The following TFEC variants were observed in gnomAD, a reference collection of about 807,000 sequenced individuals.
TFEC encodes the protein transcription factor EC.
Under a neutral mutation model 41.6 loss-of-function variants are expected in TFEC, and 31 were observed. That is an observed-to-expected ratio of 0.74 (90% CI 0.56 to 1.01). The LOEUF is 1.01. Ranked by LOEUF, TFEC falls within the 50% of genes least tolerant of loss-of-function variation. The probability of loss-of-function intolerance (pLI) is 0.00; values close to 1 mark genes in which losing one functional copy is unlikely to be tolerated. For missense variants in TFEC, 402 were observed against 404.1 expected (o/e 0.99, Z 0.04); for synonymous variants, 143 against 140.6 (o/e 1.02, Z -0.12).
At chr7:116,101,700 A>AG (rs926310098) in intron 3 of TFEC, among the ~76,000 whole-genome samples, 1 of 150,300 alleles carries the variant, frequency 6.7e-6, no homozygotes, top group Non-Finnish European at 1.5e-5. Flanking sequence ...GAGTTGGGGC[A>AG]GGGGGGCAAC....
intron 1 of TFEC, among the ~76,000 whole-genome samples, chr7:116,158,968 C>T (rs1798922770): frequency 6.6e-6 from 1 of 151,880 alleles, no homozygotes; most frequent in African/African-American, 2.4e-5. Context: ...TATAATTTGT[C>T]ATGCTTAAGC....
chr7:116,102,141 T>C (rs987259864), intron 3 of TFEC, among the ~76,000 whole-genome samples: 5 of 152,212 alleles, frequency 3.3e-5, no homozygotes, highest in African/African-American at 9.6e-5. Context: ...TTTTTCTATC[T>C]GGCTTCTAAC....
intron 3 of TFEC, among the ~76,000 whole-genome samples, chr7:116,106,930 T>C (rs955657813): frequency 6.6e-6 from 1 of 152,212 alleles, no homozygotes; most frequent in Non-Finnish European, 1.5e-5. Context: ...AGGCTGATCC[T>C]GTTCCCCATC....
intron 1 of TFEC, among the ~76,000 whole-genome samples, chr7:116,132,957 A>T (rs1295191787): frequency 6.6e-6 from 1 of 152,184 alleles, no homozygotes; most frequent in Admixed American, 6.5e-5. Context: ...TCTTTTCAAT[A>T]CATTGTCAAC....
intron 6 of TFEC, among the ~76,000 whole-genome samples, chr7:115,948,614 A>T (rs912241045): frequency 1.3e-4 from 20 of 152,022 alleles, no homozygotes; most frequent in African/African-American, 2.7e-4. Flanking sequence ...ATTATCTCAA[A>T]AGATGCAGAA....
chr7:116,093,310 TA>T (rs1365204659), intron 3 of TFEC, among the ~76,000 whole-genome samples: 1 of 152,146 alleles, frequency 6.6e-6, no homozygotes, highest in South Asian at 2.1e-4. Context: ...CCCTTTATTT[TA>T]AAAACGAGAA....
intron 1 of TFEC, among the ~76,000 whole-genome samples, chr7:115,987,887 A>C (rs920661775): frequency 6.6e-6 from 1 of 152,156 alleles, no homozygotes; most frequent in Admixed American, 6.6e-5. Context: ...TCAGGATATC[A>C]AAGTATTTGC....
chr7:116,111,583 T>C (rs1456561077), intron 2 of TFEC, among the ~76,000 whole-genome samples: 2 of 152,050 alleles, frequency 1.3e-5, no homozygotes, highest in South Asian at 2.1e-4. Flanking sequence ...GCTTGAGCTA[T>C]GGCAGACTGA....
chr7:116,018,574 C>T (rs1481007083), intron 1 of TFEC, among the ~76,000 whole-genome samples: 1 of 152,170 alleles, frequency 6.6e-6, no homozygotes, highest in Non-Finnish European at 1.5e-5. Flanking sequence ...GATCATTCTA[C>T]TTCTGTGAAA....
At chr7:116,057,733 C>A (rs373606401) in intron 3 of TFEC, among the ~76,000 whole-genome samples, 1 of 151,290 alleles carries the variant, frequency 6.6e-6, no homozygotes, top group East Asian at 1.9e-4. Flanking sequence ...GTAAGATTAA[C>A]GAAAAAATAG....
intron 3 of TFEC, among the ~76,000 whole-genome samples, chr7:116,070,557 G>A (rs563726997): frequency 4.0e-5 from 6 of 151,286 alleles, no homozygotes; most frequent in African/African-American, 1.2e-4. Flanking sequence ...GAGATAAACC[G>A]GAAGAATACA....
intron 2 of TFEC, among the ~76,000 whole-genome samples, chr7:115,978,254 A>T (rs1344098275): frequency 6.6e-6 from 1 of 152,200 alleles, no homozygotes; most frequent in Non-Finnish European, 1.5e-5. Context: ...TATTCATATT[A>T]AGCAATATAA....
chr7:115,967,890 A>G (rs191065011), intron 3 of TFEC, among the ~76,000 whole-genome samples: 8 of 151,960 alleles, frequency 5.3e-5, no homozygotes, highest in Admixed American at 5.3e-4. Flanking sequence ...TTTAATGTAA[A>G]CACTGCAACA....
At chr7:116,016,396 T>C (rs921867162) in intron 1 of TFEC, among the ~76,000 whole-genome samples, 5 of 152,194 alleles carry the variant, frequency 3.3e-5, no homozygotes, top group African/African-American at 1.2e-4. Context: ...TCAGTGCTCA[T>C]GGTTTTAAAT....
At chr7:116,103,324 A>C (rs957246445) in intron 3 of TFEC, among the ~76,000 whole-genome samples, 8 of 152,192 alleles carry the variant, frequency 5.3e-5, no homozygotes, top group Admixed American at 5.2e-4. Context: ...AGTGTAGTAG[A>C]AGATGAAAAG....
At chr7:115,978,893 C>T (rs1218203980) in intron 2 of TFEC, among the ~76,000 whole-genome samples, 1 of 152,114 alleles carries the variant, frequency 6.6e-6, no homozygotes, top group South Asian at 2.1e-4. Flanking sequence ...AAAAGAGTAT[C>T]TTTAGCTATC....
chr7:116,110,003 A>C (rs944445539), intron 3 of TFEC, among the ~76,000 whole-genome samples: 4 of 152,052 alleles, frequency 2.6e-5, no homozygotes, highest in Non-Finnish European at 4.4e-5. Context: ...GCATGTTCTC[A>C]CTCATAGGTG....
chr7:115,971,096 G>C (rs1793112835), intron 3 of TFEC, among the ~76,000 whole-genome samples: 1 of 151,800 alleles, frequency 6.6e-6, no homozygotes, highest in African/African-American at 2.4e-5. Context: ...CATTTGCTTG[G>C]GTAACGACTA....
rs201342768 is a variant in TFEC, at chr7:115,957,611, AG to A, written c.268-819del. The stretch of plus-strand genomic sequence containing the variant: ...ATTTCAGGTTAATACTCATTATTCC[AG>A]AACAAGCTGCATTCACTATGCAGGA... On this transcript the variant is annotated intron_variant, in intron 3 of 7. Transcript: ENST00000265440. Among the ~76,000 whole-genome samples the A allele has an allele frequency of 3.8e-3, 579 of 152,064 alleles. 10 individuals are homozygous for A. The highest frequency in any genetic ancestry group is 7.6e-3 in the East Asian group (39 of 5,148).
Sources: gnomAD v4.1 joint callset for allele counts (sites outside exome capture counted in the v4.1 genomes callset) on GRCh38, gnomAD v4.1.1 for gene constraint, MANE v1.5 for transcripts, NCBI Gene and HGNC (gene_info 2026-07-23, HGNC 2026-07-21) for gene names.